The following IMMP2L variants were observed in gnomAD, a reference collection of about 807,000 sequenced individuals.
IMMP2L encodes the protein mitochondrial inner membrane protease subunit 2.
IMMP2L carries 18 observed loss-of-function variants against 19.3 expected under a neutral mutation model. That is an observed-to-expected ratio of 0.93 (90% CI 0.64 to 1.38). The LOEUF is 1.38. IMMP2L is among the 40% of genes most tolerant of loss of function. The probability of loss-of-function intolerance (pLI) is 0.00; values close to 1 mark genes in which losing one functional copy is unlikely to be tolerated. For synonymous variants in IMMP2L, 76 were observed against 73.0 expected (o/e 1.04, Z -0.21); for missense variants, 233 against 218.2 (o/e 1.07, Z -0.43).
chr7:110,961,002 T>C (rs1818873818), intron 4 of IMMP2L, among the ~76,000 whole-genome samples: 1 of 151,808 alleles, frequency 6.6e-6, no homozygotes, highest in Non-Finnish European at 1.5e-5. Context: ...TCTCACCCAC[T>C]AGGATGGCTA....
At chr7:111,172,877 A>G (rs1417534945) in intron 3 of IMMP2L, among the ~76,000 whole-genome samples, 3 of 151,630 alleles carry the variant, frequency 2.0e-5, no homozygotes, top group Non-Finnish European at 3.0e-5. Flanking sequence ...TCAACTTGAA[A>G]TTGGCAAAAT....
intron 2 of IMMP2L, 135 bp downstream of exon 2, chr7:111,521,173 CAGTAA>C: frequency 1.1e-6 from 1 of 882,614 alleles, no homozygotes; most frequent in Non-Finnish European, 1.7e-6. Context: ...AGAACAAATT[CAGTAA>C]AGTAAAATTT....
At chr7:111,154,805 C>A (rs553181489) in intron 3 of IMMP2L, among the ~76,000 whole-genome samples, 1 of 152,094 alleles carries the variant, frequency 6.6e-6, no homozygotes, top group East Asian at 1.9e-4. Context: ...TCACCCAAGC[C>A]GGAGTACAGT....
At chr7:111,195,253 A>G (rs1480978246) in intron 3 of IMMP2L, among the ~76,000 whole-genome samples, 2 of 152,118 alleles carry the variant, frequency 1.3e-5, no homozygotes, top group African/African-American at 4.8e-5. Context: ...GGACAGTAGA[A>G]ACCTAAATCC....
chr7:111,215,645 T>C (rs1811851780), intron 3 of IMMP2L, among the ~76,000 whole-genome samples: 2 of 152,104 alleles, frequency 1.3e-5, no homozygotes, highest in Non-Finnish European at 2.9e-5. Context: ...CACCCACAAA[T>C]AGGCACTTAA....
chr7:110,908,930 G>T (rs894411033), intron 4 of IMMP2L, among the ~76,000 whole-genome samples: 8 of 152,184 alleles, frequency 5.3e-5, no homozygotes, highest in African/African-American at 1.4e-4. Context: ...AGGAAAGATA[G>T]ACATTAATCA....
chr7:111,553,267 T>A, intron 1 of IMMP2L, among the ~76,000 whole-genome samples: 1 of 152,272 alleles, frequency 6.6e-6, no homozygotes, highest in African/African-American at 2.4e-5. Flanking sequence ...GGCTTTAGGT[T>A]CAATTTGTCA....
chr7:111,399,052 C>A (rs11971660), intron 3 of IMMP2L, among the ~76,000 whole-genome samples: 3,063 of 152,110 alleles, frequency 0.02, 107 homozygotes, highest in African/African-American at 0.07. Flanking sequence ...GACCATACTG[C>A]CAAAAGCAGT....
At chr7:111,189,702 AG>A (rs1228887343) in intron 3 of IMMP2L, among the ~76,000 whole-genome samples, 2 of 152,164 alleles carry the variant, frequency 1.3e-5, no homozygotes, top group Non-Finnish European at 2.9e-5. Flanking sequence ...GAAAAGCTTC[AG>A]AGGATTGTCA....
In IMMP2L at chr7:111,051,033, G is replaced by T. The variant is rs144372328; in HGVS notation, c.240-87468C>A. Among the ~76,000 whole-genome samples, 27 of 152,320 alleles carry T rather than the reference G, an allele frequency of 1.8e-4. 1 individual carries two copies. The East Asian group carries it at 3.9e-3, about 22-fold the overall frequency. On this transcript the variant is annotated intron_variant, in intron 3 of 5. Transcript: ENST00000405709. ...ATTCAGCATCCTACATAAGTAGGATGTGGTTTAAGTTTTCTTATTGCTTGA... is the reference window on the plus strand; with the variant it reads ...ATTCAGCATCCTACATAAGTAGGATTTGGTTTAAGTTTTCTTATTGCTTGA...
intron 4 of IMMP2L, among the ~76,000 whole-genome samples, chr7:110,902,339 T>C (rs1811960321): frequency 6.6e-6 from 1 of 151,456 alleles, no homozygotes; most frequent in Admixed American, 6.6e-5. Flanking sequence ...CAAAAAACAG[T>C]AATTAAACCC....
chr7:111,074,490 G>T (rs1233193087), intron 3 of IMMP2L, among the ~76,000 whole-genome samples: 1 of 152,188 alleles, frequency 6.6e-6, no homozygotes, highest in Non-Finnish European at 1.5e-5. Flanking sequence ...GGCACATGAT[G>T]CATATCTTTA....
chr7:111,400,479 TTCCCCTA>T (rs1300810591), intron 3 of IMMP2L, among the ~76,000 whole-genome samples: 1 of 152,056 alleles, frequency 6.6e-6, no homozygotes, highest in African/African-American at 2.4e-5. Flanking sequence ...CTTGGTAATA[TTCCCCTA>T]TCCCCACCAG....
intron 5 of IMMP2L, among the ~76,000 whole-genome samples, chr7:110,816,719 A>G (rs1802554078): frequency 6.6e-6 from 1 of 150,492 alleles, no homozygotes. Flanking sequence ...ACCATTATGT[A>G]ATGGCCTTCT....
chr7:111,325,290 A>C (rs1825188712), intron 3 of IMMP2L, among the ~76,000 whole-genome samples: 1 of 151,770 alleles, frequency 6.6e-6, no homozygotes, highest in Admixed American at 6.6e-5. Flanking sequence ...AAAAAGGTAT[A>C]TAAAATGAGA....
chr7:111,270,084 T>TGTGG (rs2130234362), intron 3 of IMMP2L, among the ~76,000 whole-genome samples: 1 of 151,926 alleles, frequency 6.6e-6, no homozygotes, highest in East Asian at 1.9e-4. Context: ...TGTGTGTGTG[T>TGTGG]GTGTGTGTGT....
Position 111,521,723 on chromosome 7 carries a change from A to AG in IMMP2L, c.-2-275_-2-274insC, listed in dbSNP as rs545486926. On this transcript the variant is annotated intron_variant, in intron 1 of 5. Coordinates refer to ENST00000405709, the MANE Select transcript of IMMP2L (RefSeq NM_032549.4). ...CCACAAAACAGTAAGTTAGAAAAAAACAAGCATTCCAGAAGTAAATTCTTT... is the reference window on the plus strand; with the variant it reads ...CCACAAAACAGTAAGTTAGAAAAAAAGCAAGCATTCCAGAAGTAAATTCTTT... Among the ~76,000 whole-genome samples, 26 of 152,236 alleles carry AG rather than the reference A, an allele frequency of 1.7e-4. 2 individuals carry two copies. In the South Asian group the frequency reaches 2.5e-3, roughly 15 times the overall value.
intron 3 of IMMP2L, among the ~76,000 whole-genome samples, chr7:110,984,860 T>C (rs1273250624): frequency 6.6e-6 from 1 of 152,222 alleles, no homozygotes; most frequent in South Asian, 2.1e-4. Context: ...TGTAAATACG[T>C]GAGCTTTCAT....
At chr7:110,795,505 G>A (rs769845773) in intron 5 of IMMP2L, among the ~76,000 whole-genome samples, 39 of 152,060 alleles carry the variant, frequency 2.6e-4, no homozygotes, top group Admixed American at 1.0e-3. Context: ...GCAAGATACT[G>A]TGCTGACAGT....
Sources: gnomAD v4.1 joint callset for allele counts (sites outside exome capture counted in the v4.1 genomes callset) on GRCh38, gnomAD v4.1.1 for gene constraint, MANE v1.5 for transcripts, NCBI Gene and HGNC (gene_info 2026-07-23, HGNC 2026-07-21) for gene names.